Variants in MTA3 observed in about 807,000 individuals in gnomAD.
MTA3 encodes the protein metastasis-associated protein MTA3.
Under a neutral mutation model 83.5 loss-of-function variants are expected in MTA3, and 34 were observed. The ratio of observed to expected loss-of-function variants is 0.41; its 90% CI spans 0.31 to 0.54. MTA3 has a LOEUF of 0.54. Among genes scored for constraint, MTA3 ranks in the 20% least tolerant of loss-of-function variants. The pLI, the probability that MTA3 is intolerant of heterozygous loss-of-function variation, is 0.33. For synonymous variants in MTA3, 303 were observed against 252.7 expected (o/e 1.20, Z -1.89); for missense variants, 761 against 726.4 (o/e 1.05, Z -0.55).
intron 9 of MTA3, among the ~76,000 whole-genome samples, chr2:42,687,010 C>A (rs1249462892): frequency 2.0e-5 from 3 of 151,704 alleles, no homozygotes; most frequent in Admixed American, 6.6e-5. Flanking sequence ...GCCTATAATA[C>A]CAGCTACTCA....
chr2:42,748,201 T>TTGTGTGTGTGTGTGTGTG (rs61339061), intron 16 of MTA3, among the ~76,000 whole-genome samples: 6 of 137,716 alleles, frequency 4.4e-5, no homozygotes, highest in South Asian at 2.3e-4. Flanking sequence ...GCTAATGTGT[T>TTGTGTGTGTGTGTGTGTG]TGTGTGTGTG....
intron 14 of MTA3, among the ~76,000 whole-genome samples, chr2:42,718,235 A>G (rs965281733): frequency 2.0e-5 from 3 of 151,484 alleles, no homozygotes; most frequent in African/African-American, 4.9e-5. Flanking sequence ...ATTCTCTTGC[A>G]TGTAAATTAT....
At chr2:42,544,310 G>A (rs1028905244) in intron 2 of MTA3, among the ~76,000 whole-genome samples, 1 of 151,882 alleles carries the variant, frequency 6.6e-6, no homozygotes, top group African/African-American at 2.4e-5. Context: ...GCTAGGCATG[G>A]TGGCACGTGC....
At chr2:42,647,310 G>A (rs1416849397) in intron 6 of MTA3, among the ~76,000 whole-genome samples, 6 of 151,802 alleles carry the variant, frequency 4.0e-5, no homozygotes. Context: ...TGCAGCTTCC[G>A]CCTCCTGGGT....
At chr2:42,721,983 C>G (rs1667445439) in intron 15 of MTA3, among the ~76,000 whole-genome samples, 1 of 152,112 alleles carries the variant, frequency 6.6e-6, no homozygotes, top group Non-Finnish European at 1.5e-5. Context: ...TGTAGTAATT[C>G]TAACAATTCC....
At chr2:42,695,876 T>A in intron 10 of MTA3, 37 bp downstream of exon 10, 1 of 1,292,074 alleles carries the variant, frequency 7.7e-7, no homozygotes, top group Non-Finnish European at 1.1e-6. Context: ...ATGGTTGCAT[T>A]TAAGTGAACT....
intron 5 of MTA3, among the ~76,000 whole-genome samples, chr2:42,642,289 G>T (rs1017482799): frequency 1.3e-5 from 2 of 152,044 alleles, no homozygotes; most frequent in Non-Finnish European, 2.9e-5. Context: ...AGTATGGCAA[G>T]CTCCTGTTTT....
At chr2:42,737,216 C>T (rs1668675400) in intron 16 of MTA3, among the ~76,000 whole-genome samples, 1 of 152,178 alleles carries the variant, frequency 6.6e-6, no homozygotes, top group South Asian at 2.1e-4. Flanking sequence ...AATTGCAGTC[C>T]TTGTGGCCTA....
intron 9 of MTA3, among the ~76,000 whole-genome samples, chr2:42,683,192 C>T (rs1692080269): frequency 6.6e-6 from 1 of 152,194 alleles, no homozygotes; most frequent in Non-Finnish European, 1.5e-5. Context: ...AAAATCTGGT[C>T]AGCTTTTCTC....
chr2:42,578,375 T>C (rs1025683981), intron 2 of MTA3, among the ~76,000 whole-genome samples: 3 of 152,228 alleles, frequency 2.0e-5, no homozygotes, highest in African/African-American at 7.2e-5. Flanking sequence ...CATCATACTT[T>C]GGAAGAACCT....
At position 42,755,651 on chromosome 2, in the gene MTA3, C is replaced by T. The variant is rs565190785; in HGVS notation, c.*2252C>T. The T allele has an allele frequency of 2.2e-4, 221 of 985,398 alleles. No homozygotes were observed. The highest frequency in any genetic ancestry group is 2.6e-4 in the Non-Finnish European group (217 of 830,034). The allele number at this position is 985,398 out of a possible 1,614,324, so 61.0% of individuals were successfully genotyped here. ...CCCCCAGGCAATGGAGGAAGGGTGC[C>T]GAGGCGCCTCTAGTCTGTGCCTTTG... On this transcript the variant is annotated 3_prime_UTR_variant, in exon 17 of 17. Coordinates refer to ENST00000405094, the MANE Select transcript of MTA3 (RefSeq NM_001330442.2).
chr2:42,716,365 C>CACA (rs1423482558), intron 14 of MTA3, among the ~76,000 whole-genome samples: 2 of 152,152 alleles, frequency 1.3e-5, no homozygotes, highest in East Asian at 3.9e-4. Context: ...GGTACATGTG[C>CACA]AGGTTTGTTA....
At chr2:42,582,886 T>C (rs747614786) in intron 3 of MTA3, among the ~76,000 whole-genome samples, 5 of 152,208 alleles carry the variant, frequency 3.3e-5, no homozygotes, top group Non-Finnish European at 5.9e-5. Context: ...CTTTCATTTT[T>C]TTCCCCTACT....
intron 6 of MTA3, among the ~76,000 whole-genome samples, chr2:42,651,835 C>T (rs187827693): frequency 6.6e-5 from 10 of 151,614 alleles, no homozygotes; most frequent in Admixed American, 4.6e-4. Context: ...GTGGCTCACT[C>T]GTAATCCCAG....
chr2:42,652,368 A>G (rs1375875281), intron 6 of MTA3, among the ~76,000 whole-genome samples: 1 of 152,000 alleles, frequency 6.6e-6, no homozygotes, highest in Non-Finnish European at 1.5e-5. Flanking sequence ...ACATATGCAG[A>G]TCTCCCCCCA....
intron 9 of MTA3, among the ~76,000 whole-genome samples, chr2:42,683,746 C>A (rs990364846): frequency 6.6e-6 from 1 of 152,062 alleles, no homozygotes; most frequent in Admixed American, 6.5e-5. Flanking sequence ...GAATCTAATG[C>A]CGCTGCTGAT....
At chr2:42,589,633 A>G (rs1371033469) in intron 3 of MTA3, among the ~76,000 whole-genome samples, 1 of 152,048 alleles carries the variant, frequency 6.6e-6, no homozygotes, top group African/African-American at 2.4e-5. Flanking sequence ...GCTTACTGCA[A>G]CCTCTGCCTT....
chr2:42,739,861 A>T lies in MTA3; in HGVS notation c.1760-13513A>T, dbSNP rs554251405. Among the ~76,000 whole-genome samples the T allele has an allele frequency of 2.0e-5, 3 of 152,360 alleles. No homozygotes were observed. In the South Asian group the frequency reaches 6.2e-4, roughly 32 times the overall value. The stretch of plus-strand genomic sequence containing the variant: ...TTTCATTGTTCATCCGTAAGAAGCA[A>T]CTACTCATCTGTTCAAGTTTTATCA... On this transcript the variant is annotated intron_variant, in intron 16 of 16. Coordinates refer to ENST00000405094, the MANE Select transcript of MTA3 (RefSeq NM_001330442.2).
At chr2:42,606,944 C>T (rs894835018) in intron 3 of MTA3, among the ~76,000 whole-genome samples, 2 of 150,120 alleles carry the variant, frequency 1.3e-5, no homozygotes, top group Non-Finnish European at 3.0e-5. Context: ...CGGCGCGTGC[C>T]TGCAATCGCA....
Sources: gnomAD v4.1 joint callset for allele counts (sites outside exome capture counted in the v4.1 genomes callset) on GRCh38, gnomAD v4.1.1 for gene constraint, MANE v1.5 for transcripts, NCBI Gene and HGNC (gene_info 2026-07-23, HGNC 2026-07-21) for gene names.